CCDC148: variants seen among roughly 807,000 people sequenced by gnomAD.
CCDC148 encodes the protein coiled-coil domain containing 148.
Under a neutral mutation model 85.7 loss-of-function variants are expected in CCDC148, and 89 were observed. The observed-to-expected ratio is 1.04, with a 90% confidence interval of 0.87 to 1.24. The LOEUF (loss-of-function observed/expected upper bound fraction) is 1.24, where lower values mean the gene tolerates loss of function less well. Ranked by LOEUF, CCDC148 falls within the 50% of genes most tolerant of loss-of-function variation. The pLI is 0.00. For missense variants in CCDC148, 692 were observed against 671.7 expected (o/e 1.03, Z -0.33); for synonymous variants, 230 against 213.9 (o/e 1.08, Z -0.66).
intron 10 of CCDC148, among the ~76,000 whole-genome samples, chr2:158,239,620 A>G (rs901216905): frequency 6.6e-6 from 1 of 152,158 alleles, no homozygotes; most frequent in Non-Finnish European, 1.5e-5. Context: ...TTAATAAAAT[A>G]ATGTTTATTT....
At chr2:158,305,319 T>C (rs1691633254) in intron 9 of CCDC148, among the ~76,000 whole-genome samples, 1 of 152,182 alleles carries the variant, frequency 6.6e-6, no homozygotes, top group Non-Finnish European at 1.5e-5. Context: ...AGCAGGATTG[T>C]TGAGTAAGCC....
intron 13 of CCDC148, among the ~76,000 whole-genome samples, chr2:158,174,685 G>A (rs1684488617): frequency 6.6e-6 from 1 of 151,928 alleles, no homozygotes. Context: ...CAGCATTAGT[G>A]TGCTCATTAC....
At chr2:158,448,802 T>A in intron 1 of CCDC148, among the ~76,000 whole-genome samples, 1 of 152,070 alleles carries the variant, frequency 6.6e-6, no homozygotes, top group East Asian at 1.9e-4. Context: ...ATAAGTGGAA[T>A]TGGGTTTTTG....
Position 158,363,067 on chromosome 2 carries a change from A to G in CCDC148, c.26-4497T>C, listed in dbSNP as rs577628750. On this transcript the variant is annotated intron_variant, in intron 1 of 13. Coordinates refer to ENST00000283233, the MANE Select transcript of CCDC148 (RefSeq NM_138803.4). ...TATGCAAATGAACTAGAAAATCTAG[A>G]AGAAATGGATAAATTCCTGGACACA... Among the ~76,000 whole-genome samples, 10 of 152,372 alleles carry G rather than the reference A, an allele frequency of 6.6e-5. No individual in the cohort carries two copies. In the South Asian group the frequency reaches 2.1e-3, roughly 32 times the overall value.
intron 9 of CCDC148, among the ~76,000 whole-genome samples, chr2:158,291,483 A>C (rs1165714847): frequency 1.3e-5 from 2 of 152,196 alleles, no homozygotes; most frequent in Non-Finnish European, 2.9e-5. Context: ...TCTAAGGAAG[A>C]CTGGCTCATC....
chr2:158,448,809 TTTG>T (rs916503877), intron 1 of CCDC148, among the ~76,000 whole-genome samples: 10 of 152,098 alleles, frequency 6.6e-5, no homozygotes, highest in Admixed American at 3.3e-4. Flanking sequence ...GAATTGGGTT[TTTG>T]TTGTTGTTGT....
intron 1 of CCDC148, among the ~76,000 whole-genome samples, chr2:158,400,011 C>T (rs1033147009): frequency 2.0e-5 from 3 of 152,092 alleles, no homozygotes; most frequent in African/African-American, 7.2e-5. Flanking sequence ...AGGACCTCTT[C>T]AAGGAGAACT....
intron 1 of CCDC148, among the ~76,000 whole-genome samples, chr2:158,363,919 C>G (rs533305626): frequency 6.6e-6 from 1 of 152,112 alleles, no homozygotes; most frequent in Non-Finnish European, 1.5e-5. Context: ...AAAACCCCAT[C>G]GTCTCAGCCC....
At chr2:158,279,261 G>A (rs1690133546) in intron 9 of CCDC148, among the ~76,000 whole-genome samples, 1 of 152,166 alleles carries the variant, frequency 6.6e-6, no homozygotes, top group South Asian at 2.1e-4. Flanking sequence ...CACCAACAAT[G>A]GAACAAAGCT....
chr2:158,255,458 T>G (rs1688973386), intron 9 of CCDC148, among the ~76,000 whole-genome samples: 1 of 151,656 alleles, frequency 6.6e-6, no homozygotes, highest in African/African-American at 2.4e-5. Flanking sequence ...TGGTGGCAAT[T>G]GAAATAACCC....
intron 1 of CCDC148, among the ~76,000 whole-genome samples, chr2:158,414,342 A>C (rs1192907672): frequency 6.6e-6 from 1 of 152,248 alleles, no homozygotes; most frequent in Non-Finnish European, 1.5e-5. Context: ...TAGAAGAGCC[A>C]AGTCTTTATA....
At chr2:158,383,538 T>C (rs2105290461) in intron 1 of CCDC148, among the ~76,000 whole-genome samples, 1 of 152,230 alleles carries the variant, frequency 6.6e-6, no homozygotes, top group South Asian at 2.1e-4. Flanking sequence ...TTGTGTTCCA[T>C]ATTTTATAAA....
chr2:158,240,452 T>TCTCTCTCGCA (rs941238898), intron 10 of CCDC148, among the ~76,000 whole-genome samples: 1 of 120,468 alleles, frequency 8.3e-6, no homozygotes, highest in Admixed American at 9.0e-5. Flanking sequence ...TCTCTCTCTC[T>TCTCTCTCGCA]CACACACACA....
intron 9 of CCDC148, among the ~76,000 whole-genome samples, chr2:158,301,905 G>T (rs1219624417): frequency 6.6e-6 from 1 of 152,196 alleles, no homozygotes; most frequent in African/African-American, 2.4e-5. Flanking sequence ...TCTTTCAAAG[G>T]ATTGATTTCA....
At chr2:158,366,208 T>G in intron 1 of CCDC148, 3 of 596,994 alleles carry the variant, frequency 5.0e-6, no homozygotes, top group South Asian at 3.2e-5. Flanking sequence ...TTTATTAAAA[T>G]TTGCTTTTCT....
At chr2:158,306,929 G>C (rs1691718173) in intron 9 of CCDC148, among the ~76,000 whole-genome samples, 1 of 151,018 alleles carries the variant, frequency 6.6e-6, no homozygotes, top group Non-Finnish European at 1.5e-5. Context: ...TGAGGCAGGA[G>C]AATGGCGTGA....
intron 9 of CCDC148, among the ~76,000 whole-genome samples, chr2:158,266,178 AC>A (rs1289993693): frequency 6.6e-6 from 1 of 152,136 alleles, no homozygotes. Context: ...CAGCAGAGGC[AC>A]AAGCTCAAAT....
chr2:158,432,299 T>C (rs541383264), intron 1 of CCDC148, among the ~76,000 whole-genome samples: 93 of 150,316 alleles, frequency 6.2e-4, no homozygotes, highest in Non-Finnish European at 9.9e-4. Context: ...TAAAGGTAAA[T>C]GACATAAATA....
intron 1 of CCDC148, among the ~76,000 whole-genome samples, chr2:158,392,901 T>C (rs17420791): frequency 0.058 from 8,756 of 152,198 alleles, 358 homozygotes; most frequent in Non-Finnish European, 0.081. Context: ...CATGCCATGC[T>C]ATTGCTGACA....
Sources: allele counts gnomAD v4.1 joint callset (sites outside exome capture counted in the v4.1 genomes callset), GRCh38; gene constraint gnomAD v4.1.1; transcripts MANE v1.5; gene names NCBI Gene and HGNC (gene_info 2026-07-23, HGNC 2026-07-21).